The following BLM variants were observed in gnomAD, a reference collection of about 807,000 sequenced individuals.
BLM encodes the protein BLM RecQ like helicase.
In BLM, 95 loss-of-function variants were observed where a neutral mutation model predicts 135.3. The observed-to-expected ratio is 0.70, with a 90% CI of 0.59 to 0.83. The LOEUF (loss-of-function observed/expected upper bound fraction) is 0.83, where lower values mean the gene tolerates loss of function less well. Ranked by LOEUF, BLM falls within the 40% of genes least tolerant of loss-of-function variation. The pLI is 0.00. For missense variants in BLM, 1,518 were observed against 1,663.9 expected (o/e 0.91, Z 1.53); for synonymous variants, 520 against 589.2 (o/e 0.88, Z 1.70).
At chr15:90,725,612 G>C (rs1596196809) in intron 1 of BLM, among the ~76,000 whole-genome samples, 1 of 150,600 alleles carries the variant, frequency 6.6e-6, no homozygotes, top group Non-Finnish European at 1.5e-5. Flanking sequence ...ACCTGCCTCA[G>C]CCTCCCAAGT....
At chr15:90,719,420 G>T (rs1894708043) in intron 1 of BLM, among the ~76,000 whole-genome samples, 1 of 152,164 alleles carries the variant, frequency 6.6e-6, no homozygotes, top group African/African-American at 2.4e-5. Flanking sequence ...TCACCAACAT[G>T]GCGAAACTCC....
chr15:90,724,165 A>G (rs1460599738), intron 1 of BLM, among the ~76,000 whole-genome samples: 4 of 151,616 alleles, frequency 2.6e-5, no homozygotes, highest in Admixed American at 2.0e-4. Context: ...GGAGTGTACC[A>G]CCATGCTTGG....
At chr15:90,752,055 A>G (rs1294881994) in intron 4 of BLM, 109 bp downstream of exon 4, 17 of 1,048,268 alleles carry the variant, frequency 1.6e-5, no homozygotes, top group African/African-American at 1.3e-4. Flanking sequence ...GCTTTCTACA[A>G]TTATTTTACA....
chr15:90,747,472 T>C lies in BLM; in HGVS notation c.80T>C (p.Leu27Pro). 1 of 1,606,718 alleles carries C rather than the reference T, an allele frequency of 6.2e-7. No homozygotes were observed. The highest frequency in any genetic ancestry group is 8.5e-7 in the Non-Finnish European group (1 of 1,175,064). The change falls in exon 2 of 22, where the codon CTT (leucine) becomes CCT (proline). Residue 27 changes from leucine (L) to proline (P), a missense_variant. This residue lies in a region of BLM where 724 missense variants were observed against 756.9 expected (regional missense o/e 0.96). Transcript: ENST00000355112. ...SARTLNNKLS[L>P]SKPKFSGFTF... ...AGAACACTTAATAATAAATTAAGTCTTTCAAAACCAAAATTTTCGTAAGTG... is the reference window on the plus strand; with the variant it reads ...AGAACACTTAATAATAAATTAAGTCCTTCAAAACCAAAATTTTCGTAAGTG...
At chr15:90,745,378 G>A (rs56087533) in intron 1 of BLM, among the ~76,000 whole-genome samples, 44,106 of 151,998 alleles carry the variant, frequency 0.29, 7,955 homozygotes, top group African/African-American at 0.52. Context: ...ATTTATTATT[G>A]TTAATGTATG....
intron 16 of BLM, among the ~76,000 whole-genome samples, chr15:90,796,716 T>C (rs1489350018): frequency 6.6e-6 from 1 of 152,216 alleles, no homozygotes; most frequent in Non-Finnish European, 1.5e-5. Context: ...AAATGCCAAG[T>C]TCAGCCACAT....
chr15:90,806,803 A>T lies in BLM; in HGVS notation c.3752-2334A>T, dbSNP rs1897295980. ...TCTCTTCTTCATTCCCTCTCCTACG[A>T]TAATCGGTCATTACAATATTTCACT... On this transcript the variant is annotated intron_variant, in intron 19 of 21. Transcript: ENST00000355112. 2.0e-5 allele frequency among the ~76,000 whole-genome samples: 3 copies of T among 152,336 alleles called. No individual in the cohort carries two copies. The South Asian group carries it at 6.2e-4, about 32-fold the overall frequency.
chr15:90,744,425 T>G (rs1363594111), intron 1 of BLM, among the ~76,000 whole-genome samples: 1 of 152,086 alleles, frequency 6.6e-6, no homozygotes, highest in African/African-American at 2.4e-5. Flanking sequence ...CAGGCTGGAG[T>G]GCAGTGGCAC....
intron 12 of BLM, among the ~76,000 whole-genome samples, chr15:90,778,891 T>C (rs1210815016): frequency 1.4e-5 from 2 of 143,352 alleles, no homozygotes; most frequent in Admixed American, 1.4e-4. Flanking sequence ...AACCCTTTCT[T>C]TTTTTTTTTT....
rs1555420390 is a variant in BLM, at chr15:90,765,343, G to C, written c.2122G>C (p.Gly708Arg). The C allele has an allele frequency of 6.2e-7, 1 of 1,613,842 alleles. No individual in the cohort carries two copies. Among genetic ancestry groups the C allele is most frequent in the Non-Finnish European group, 8.5e-7 (1 of 1,179,814 alleles). Reference protein sequence around the residue: ...CYQLPACVSPGVTVVISPLRS... With the variant: ...CYQLPACVSPRVTVVISPLRS... ...CCAGCTCCCTGCCTGTGTTTCTCCT[G>C]GGGTCACTGTTGTCATTTCTCCCTT... The change falls in exon 9 of 22, where the codon GGG becomes CGG. Residue 708 changes from glycine (G) to arginine (R), a missense_variant. This residue lies in a region of BLM where 626 missense variants were observed against 681.1 expected (regional missense o/e 0.92). Transcript: ENST00000355112.
intron 14 of BLM, among the ~76,000 whole-genome samples, chr15:90,789,985 GTGTTTTTTTTT>G (rs1567056038): frequency 1.1e-5 from 1 of 90,624 alleles, no homozygotes; most frequent in African/African-American, 5.4e-5. Flanking sequence ...GCAGTCCCTG[GTGTTTTTTTTT>G]TTTTTTTTTT....
chr15:90,786,610 A>C (rs981666081), intron 14 of BLM, among the ~76,000 whole-genome samples: 1 of 151,724 alleles, frequency 6.6e-6, no homozygotes, highest in African/African-American at 2.4e-5. Flanking sequence ...TTTTATTTAC[A>C]TGGAAGACCA....
intron 14 of BLM, among the ~76,000 whole-genome samples, chr15:90,786,757 G>A (rs535569855): frequency 5.3e-5 from 8 of 152,098 alleles, no homozygotes; most frequent in Admixed American, 5.2e-4. Flanking sequence ...CGGGACTATA[G>A]GCACATGCCA....
At chr15:90,726,525 C>T (rs558114520) in intron 1 of BLM, among the ~76,000 whole-genome samples, 7 of 152,194 alleles carry the variant, frequency 4.6e-5, no homozygotes, top group Non-Finnish European at 8.8e-5. Flanking sequence ...ACCTCGGCCT[C>T]CCAAAGTGCT....
intron 12 of BLM, 83 bp from the exon 13 acceptor site, chr15:90,782,739 A>AG: frequency 2.8e-6 from 3 of 1,054,062 alleles, no homozygotes; most frequent in Admixed American, 2.0e-5. Context: ...TTAGGATTTT[A>AG]GGGGGGACAC....
intron 14 of BLM, among the ~76,000 whole-genome samples, chr15:90,788,175 T>C (rs7178014): frequency 0.44 from 67,154 of 151,914 alleles, 17,159 homozygotes; most frequent in African/African-American, 0.72. Context: ...AGCCTAAGAA[T>C]AGTAAGTGTA....
intron 2 of BLM, 45 bp downstream of exon 2, chr15:90,747,535 C>T (rs1473410077): frequency 1.8e-6 from 2 of 1,128,766 alleles, no homozygotes; most frequent in East Asian, 2.5e-5. Context: ...ACTAACTTAC[C>T]ACATTGTACA....
chr15:90,742,755 C>G (rs939224183), intron 1 of BLM, among the ~76,000 whole-genome samples: 11 of 152,010 alleles, frequency 7.2e-5, no homozygotes, highest in African/African-American at 2.7e-4. Context: ...CCCACCTCAG[C>G]CTCCTGAGTA....
chr15:90,785,098 TAAAC>T lies in BLM; in HGVS notation c.2823+21_2823+24del, dbSNP rs2151179993. On this transcript the variant is annotated intron_variant, in intron 14 of 21. Transcript: ENST00000355112. ...GGCTGTCAGGTAACATTTTTAAAGATAAACAAATAATAGAAATAATCTTTTATAG... is the reference window on the plus strand; with the variant it reads ...GGCTGTCAGGTAACATTTTTAAAGATAAATAATAGAAATAATCTTTTATAG... 3 of 1,610,090 alleles carry T rather than the reference TAAAC, an allele frequency of 1.9e-6. No individual in the cohort carries two copies. The highest frequency in any genetic ancestry group is 1.7e-5 in the Admixed American group (1 of 59,958).
Sources: allele counts gnomAD v4.1 joint callset (sites outside exome capture counted in the v4.1 genomes callset), GRCh38; gene constraint gnomAD v4.1.1; regional missense constraint gnomAD v4.1.1; transcripts MANE v1.5; gene names NCBI Gene and HGNC (gene_info 2026-07-23, HGNC 2026-07-21).